Variants in GABRB1 observed in about 807,000 individuals in gnomAD.
GABRB1 encodes gamma-aminobutyric acid receptor subunit beta-1.
Under a neutral mutation model 51.6 loss-of-function variants are expected in GABRB1, and 17 were observed. The ratio of observed to expected loss-of-function variants is 0.33; its 90% CI spans 0.23 to 0.49. The LOEUF is 0.49. Ranked by LOEUF, GABRB1 falls within the 20% of genes least tolerant of loss-of-function variation. The pLI is 0.99. For missense variants in GABRB1, 410 were observed against 600.6 expected (o/e 0.68, Z 3.32); for synonymous variants, 247 against 218.9 (o/e 1.13, Z -1.14).
intron 5 of GABRB1, among the ~76,000 whole-genome samples, chr4:47,366,224 A>C (rs1168444296): frequency 6.6e-6 from 1 of 152,060 alleles, no homozygotes; most frequent in Non-Finnish European, 1.5e-5. Flanking sequence ...ATATTGAACC[A>C]TTTTCCCAAG....
intron 8 of GABRB1, among the ~76,000 whole-genome samples, chr4:47,409,296 A>G (rs923584972): frequency 6.6e-6 from 1 of 152,174 alleles, no homozygotes; most frequent in Non-Finnish European, 1.5e-5. Context: ...GTCCAGGAAG[A>G]ATCAGGTCAC....
At chr4:47,118,521 T>A (rs997487535) in intron 3 of GABRB1, among the ~76,000 whole-genome samples, 36 of 152,318 alleles carry the variant, frequency 2.4e-4, no homozygotes, top group African/African-American at 7.0e-4. Context: ...CCAGTTACTA[T>A]CTTGTTCACT....
At chr4:47,033,472 T>C (rs1725426242) in intron 3 of GABRB1, among the ~76,000 whole-genome samples, 2 of 152,188 alleles carry the variant, frequency 1.3e-5, no homozygotes, top group African/African-American at 2.4e-5. Flanking sequence ...CAGCTAGATC[T>C]ACGTGAGCAA....
At chr4:47,418,426 T>G (rs976638940) in intron 8 of GABRB1, among the ~76,000 whole-genome samples, 3 of 152,162 alleles carry the variant, frequency 2.0e-5, no homozygotes, top group African/African-American at 7.2e-5. Context: ...AAACCTCAGT[T>G]TTTGCTCTCA....
At chr4:47,151,904 A>G (rs929179972) in intron 3 of GABRB1, among the ~76,000 whole-genome samples, 1 of 152,078 alleles carries the variant, frequency 6.6e-6, no homozygotes, top group Non-Finnish European at 1.5e-5. Flanking sequence ...GCCTTATACT[A>G]TCAAACTGAT....
chr4:47,123,707 TATGA>T (rs1715944519), intron 3 of GABRB1, among the ~76,000 whole-genome samples: 3 of 7,710 alleles, frequency 3.9e-4, no homozygotes, highest in Admixed American at 3.4e-3. Context: ...ATATATATAA[TATGA>T]TATATGATAT....
chr4:47,415,579 C>A (rs904099035), intron 8 of GABRB1, among the ~76,000 whole-genome samples: 28 of 152,148 alleles, frequency 1.8e-4, no homozygotes, highest in Non-Finnish European at 3.5e-4. Flanking sequence ...AGGTCTGGAT[C>A]ACATGCATGT....
At chr4:47,200,750 C>T (rs773032949) in intron 4 of GABRB1, among the ~76,000 whole-genome samples, 11 of 152,156 alleles carry the variant, frequency 7.2e-5, no homozygotes, top group Non-Finnish European at 1.5e-4. Context: ...CTGTATATGA[C>T]ATTGAAAGCC....
intron 3 of GABRB1, among the ~76,000 whole-genome samples, chr4:47,092,443 G>C (rs990567785): frequency 6.6e-5 from 10 of 151,532 alleles, no homozygotes; most frequent in African/African-American, 2.2e-4. Context: ...AAAGTGCTGG[G>C]ATTACAGGCA....
intron 1 of GABRB1, among the ~76,000 whole-genome samples, chr4:47,026,028 C>T (rs1027286934): frequency 9.2e-5 from 14 of 151,942 alleles, no homozygotes; most frequent in Non-Finnish European, 1.8e-4. Context: ...CCTGATATTC[C>T]AAGGCAAGAA....
At chr4:47,184,390 T>C (rs957779169) in intron 4 of GABRB1, among the ~76,000 whole-genome samples, 2 of 151,870 alleles carry the variant, frequency 1.3e-5, no homozygotes, top group Non-Finnish European at 2.9e-5. Context: ...ACATGTAATA[T>C]TGTGTTGAAA....
At chr4:47,155,394 G>A (rs1372487) in intron 3 of GABRB1, among the ~76,000 whole-genome samples, 130,781 of 151,998 alleles carry the variant, frequency 0.86, 56,271 homozygotes, top group African/African-American at 0.9. Context: ...TATGAACAAG[G>A]GCTTTGGTTC....
chr4:47,353,931 T>TAC (rs149879524), intron 5 of GABRB1, among the ~76,000 whole-genome samples: 19 of 151,780 alleles, frequency 1.3e-4, no homozygotes, highest in Middle Eastern at 3.4e-3. Context: ...CCTGCCAACA[T>TAC]ACACACACAC....
intron 4 of GABRB1, among the ~76,000 whole-genome samples, chr4:47,183,669 C>T (rs963734351): frequency 5.9e-5 from 9 of 151,654 alleles, no homozygotes; most frequent in African/African-American, 1.9e-4. Context: ...AAATTACTCC[C>T]CTCTTTCTAC....
intron 3 of GABRB1, among the ~76,000 whole-genome samples, chr4:47,106,701 C>T (rs1714985380): frequency 6.6e-6 from 1 of 151,980 alleles, no homozygotes; most frequent in Non-Finnish European, 1.5e-5. Context: ...CTCTATCTTT[C>T]TTGCATGAGG....
At chr4:47,137,616 T>C (rs973890003) in intron 3 of GABRB1, among the ~76,000 whole-genome samples, 15 of 152,132 alleles carry the variant, frequency 9.9e-5, no homozygotes, top group Non-Finnish European at 1.8e-4. Context: ...ACAAAATTCA[T>C]TGCTGATAAT....
intron 4 of GABRB1, among the ~76,000 whole-genome samples, chr4:47,263,403 G>T (rs543728037): frequency 3.9e-5 from 6 of 152,086 alleles, no homozygotes; most frequent in Non-Finnish European, 1.5e-5. Flanking sequence ...GGAGAAGTAA[G>T]AAGTCACCGG....
intron 3 of GABRB1, among the ~76,000 whole-genome samples, chr4:47,052,056 GGAGGTA>G (rs1726375062): frequency 6.6e-6 from 1 of 152,134 alleles, no homozygotes; most frequent in African/African-American, 2.4e-5. Context: ...CTTGAACCCA[GGAGGTA>G]GAGGTTGCAG....
intron 4 of GABRB1, among the ~76,000 whole-genome samples, chr4:47,250,676 G>A (rs28845919): frequency 0.21 from 32,384 of 151,800 alleles, 3,661 homozygotes; most frequent in African/African-American, 0.27. Flanking sequence ...TATCTTTGTT[G>A]GATTGGATTA....
Sources: allele counts gnomAD v4.1 joint callset (sites outside exome capture counted in the v4.1 genomes callset), GRCh38; gene constraint gnomAD v4.1.1; transcripts MANE v1.5; gene names NCBI Gene and HGNC (gene_info 2026-07-23, HGNC 2026-07-21).